Variants in PTPRD observed in about 807,000 individuals in gnomAD.
PTPRD encodes the protein receptor-type tyrosine-protein phosphatase delta.
In PTPRD, 34 loss-of-function variants were observed where a neutral mutation model predicts 214.5. That is an observed-to-expected ratio of 0.16 (90% CI 0.12 to 0.21). The LOEUF (loss-of-function observed/expected upper bound fraction) is 0.21, where lower values mean the gene tolerates loss of function less well. Ranked by LOEUF, PTPRD falls within the 10% of genes least tolerant of loss-of-function variation. The pLI is 1.00. For missense variants in PTPRD, 2,545 were observed against 2,398.7 expected, an observed-to-expected ratio of 1.06 and a Z score of -1.27; for synonymous variants, 1,128 against 845.7, an observed-to-expected ratio of 1.33 and a Z score of -5.79.
At chr9:8,599,613 C>CCCCCCCCT (rs2094698008) in intron 14 of PTPRD, among the ~76,000 whole-genome samples, 37 of 53,402 alleles carry the variant, frequency 6.9e-4, no homozygotes, top group Non-Finnish European at 8.8e-4. Flanking sequence ...CCCGCCCACC[C>CCCCCCCCT]TTTTTTTTTT....
intron 3 of PTPRD, among the ~76,000 whole-genome samples, chr9:10,315,080 C>A (rs538300342): frequency 6.6e-6 from 1 of 152,000 alleles, no homozygotes; most frequent in Admixed American, 6.6e-5. Flanking sequence ...AGCAAGTTGA[C>A]ATTAAAATGT....
chr9:10,175,936 C>A (rs2099245746), intron 3 of PTPRD, among the ~76,000 whole-genome samples: 1 of 151,984 alleles, frequency 6.6e-6, no homozygotes, highest in African/African-American at 2.4e-5. Flanking sequence ...CATTTTCCAA[C>A]ATCTTTTTGT....
intron 7 of PTPRD, among the ~76,000 whole-genome samples, chr9:9,577,721 A>C (rs1394295939): frequency 1.3e-5 from 2 of 152,084 alleles, no homozygotes; most frequent in African/African-American, 4.8e-5. Context: ...AAATTTTAAG[A>C]AATTTTATTT....
intron 2 of PTPRD, among the ~76,000 whole-genome samples, chr9:10,437,142 G>T (rs73406189): frequency 0.042 from 6,322 of 151,726 alleles, 453 homozygotes; most frequent in African/African-American, 0.14. Flanking sequence ...CTATATACTT[G>T]CTTTCTGTCA....
At chr9:10,240,891 C>A (rs759213069) in intron 3 of PTPRD, among the ~76,000 whole-genome samples, 1 of 151,508 alleles carries the variant, frequency 6.6e-6, no homozygotes, top group African/African-American at 2.4e-5. Flanking sequence ...AAAACCTAAA[C>A]CTTTTGCTCA....
At chr9:9,747,721 G>T (rs1596609650) in intron 6 of PTPRD, among the ~76,000 whole-genome samples, 2 of 151,510 alleles carry the variant, frequency 1.3e-5, no homozygotes, top group African/African-American at 4.8e-5. Context: ...TAATTTTTTT[G>T]TGTGTATTTT....
intron 44 of PTPRD, among the ~76,000 whole-genome samples, chr9:8,327,346 GT>G (rs3858062): frequency 0.34 from 43,999 of 130,390 alleles, 7,021 homozygotes; most frequent in South Asian, 0.52. Context: ...GTTTTGAGTG[GT>G]TTTTTTTTTT....
At chr9:10,015,777 C>A (rs1033203507) in intron 4 of PTPRD, among the ~76,000 whole-genome samples, 5 of 152,166 alleles carry the variant, frequency 3.3e-5, no homozygotes, top group Admixed American at 1.3e-4. Flanking sequence ...ATCATAGTAT[C>A]TTAAGAAATT....
intron 2 of PTPRD, among the ~76,000 whole-genome samples, chr9:10,527,226 G>A (rs2054576710): frequency 6.6e-6 from 1 of 152,112 alleles, no homozygotes. Flanking sequence ...AGATAAATAT[G>A]CTCGCAAGTC....
chr9:8,415,352 C>T (rs567088195), intron 35 of PTPRD, among the ~76,000 whole-genome samples: 3 of 152,218 alleles, frequency 2.0e-5, no homozygotes, highest in Middle Eastern at 3.4e-3. Flanking sequence ...CATAAGCTGG[C>T]TGGATATGTA....
chr9:9,062,824 G>T (rs1255573253), intron 10 of PTPRD, among the ~76,000 whole-genome samples: 1 of 152,150 alleles, frequency 6.6e-6, no homozygotes. Context: ...TAGGCACCAT[G>T]TGGCCTATTT....
intron 8 of PTPRD, among the ~76,000 whole-genome samples, chr9:9,551,452 T>G (rs1023852996): frequency 6.6e-6 from 1 of 151,988 alleles, no homozygotes; most frequent in Non-Finnish European, 1.5e-5. Flanking sequence ...TACAAGTCTT[T>G]TATTCTATAC....
At chr9:8,477,121 GA>G (rs538039183) in intron 30 of PTPRD, among the ~76,000 whole-genome samples, 1,827 of 138,070 alleles carry the variant, frequency 0.013, 14 homozygotes, top group African/African-American at 0.024. Flanking sequence ...TGCTTGAAAT[GA>G]AAAAAAAAAA....
At chr9:9,274,231 T>C (rs1220230024) in intron 9 of PTPRD, among the ~76,000 whole-genome samples, 1 of 151,346 alleles carries the variant, frequency 6.6e-6, no homozygotes, top group Non-Finnish European at 1.5e-5. Flanking sequence ...TGGTATAACA[T>C]ATACACAGTC....
chr9:8,886,703 G>T (rs1039417234), intron 11 of PTPRD, among the ~76,000 whole-genome samples: 2 of 152,178 alleles, frequency 1.3e-5, no homozygotes, highest in Non-Finnish European at 2.9e-5. Context: ...CTTGACTGTT[G>T]TGTGAAGCAG....
chr9:9,798,916 G>A (rs1227849449), intron 5 of PTPRD, among the ~76,000 whole-genome samples: 1 of 152,092 alleles, frequency 6.6e-6, no homozygotes, highest in East Asian at 1.9e-4. Flanking sequence ...GAGGTAAAAT[G>A]TTTTGGTTTT....
intron 3 of PTPRD, among the ~76,000 whole-genome samples, chr9:10,308,816 A>G (rs998761128): frequency 2.0e-5 from 3 of 152,002 alleles, no homozygotes; most frequent in Non-Finnish European, 2.9e-5. Context: ...TAGCTGCATT[A>G]TATTTCACTG....
intron 2 of PTPRD, among the ~76,000 whole-genome samples, chr9:10,520,877 G>A (rs1342662017): frequency 2.0e-5 from 3 of 151,390 alleles, no homozygotes; most frequent in Non-Finnish European, 2.9e-5. Flanking sequence ...AGACCACCCT[G>A]CTCAGAGAAA....
chr9:8,575,817 A>T (rs2092270971), intron 14 of PTPRD, among the ~76,000 whole-genome samples: 1 of 152,188 alleles, frequency 6.6e-6, no homozygotes, highest in African/African-American at 2.4e-5. Context: ...GCATTAACTT[A>T]AATTTATTAA....
Sources: gnomAD v4.1 joint callset for allele counts (sites outside exome capture counted in the v4.1 genomes callset) on GRCh38, gnomAD v4.1.1 for gene constraint, MANE v1.5 for transcripts, NCBI Gene and HGNC (gene_info 2026-07-23, HGNC 2026-07-21) for gene names.